Variants in HECTD4 observed in about 807,000 individuals in gnomAD.
The protein encoded by HECTD4 is HECT domain E3 ubiquitin protein ligase 4, also known as probable E3 ubiquitin-protein ligase HECTD4.
In HECTD4, 114 loss-of-function variants were observed where a neutral mutation model predicts 471.5. That is an observed-to-expected ratio of 0.24 (90% CI 0.21 to 0.28). The LOEUF (loss-of-function observed/expected upper bound fraction) is 0.28, where lower values mean the gene tolerates loss of function less well. Ranked by LOEUF, HECTD4 falls within the 10% of genes least tolerant of loss-of-function variation. HECTD4 has a pLI of 1.00. For synonymous variants in HECTD4, 2,012 were observed against 2,256.0 expected (o/e 0.89, Z 3.07); for missense variants, 3,866 against 5,651.5 (o/e 0.68, Z 10.13).
intron 3 of HECTD4, among the ~76,000 whole-genome samples, chr12:112,313,935 G>T (rs1424790199): frequency 6.6e-6 from 1 of 152,104 alleles, no homozygotes; most frequent in Non-Finnish European, 1.5e-5. Context: ...AAAATGTTAG[G>T]AGTAGTTATC....
intron 32 of HECTD4, among the ~76,000 whole-genome samples, chr12:112,241,482 C>T (rs1015401853): frequency 6.6e-6 from 1 of 152,106 alleles, no homozygotes; most frequent in African/African-American, 2.4e-5. Context: ...TTTTTTGTGA[C>T]AAGGTTTTGC....
At chr12:112,306,588 C>T (rs2035275430) in intron 6 of HECTD4, among the ~76,000 whole-genome samples, 1 of 152,156 alleles carries the variant, frequency 6.6e-6, no homozygotes, top group African/African-American at 2.4e-5. Flanking sequence ...AGAGAAGCAA[C>T]ACTTTCTGAA....
At chr12:112,254,812 C>T (rs1160918001) in intron 21 of HECTD4, among the ~76,000 whole-genome samples, 1 of 152,320 alleles carries the variant, frequency 6.6e-6, no homozygotes, top group South Asian at 2.1e-4. Flanking sequence ...TTATAACCAG[C>T]TGGCTGACTT....
At chr12:112,238,830 C>T (rs1593963838) in intron 34 of HECTD4, among the ~76,000 whole-genome samples, 1 of 152,118 alleles carries the variant, frequency 6.6e-6, no homozygotes, top group East Asian at 1.9e-4. Context: ...TTACTGTACT[C>T]CTTCAGGGTA....
intron 60 of HECTD4, among the ~76,000 whole-genome samples, chr12:112,187,131 C>T (rs1280084041): frequency 2.0e-5 from 3 of 152,150 alleles, no homozygotes; most frequent in African/African-American, 7.2e-5. Context: ...AGGCATGCAC[C>T]ACCACACCCG....
rs1351151671 is a variant in HECTD4, at chr12:112,207,114, G to GTA, written c.8131+759_8131+760insTA. On this transcript the variant is annotated intron_variant, in intron 52 of 75. Coordinates refer to ENST00000682272, the MANE Select transcript of HECTD4 (RefSeq NM_001388303.1). The stretch of plus-strand genomic sequence containing the variant: ...ACTGTTTGTTTATGTATATGTGTGT[G>GTA]TGTGTATGTATGTATGTATGTATGT... 2.6e-3 allele frequency among the ~76,000 whole-genome samples: 371 copies of GTA among 144,942 alleles called. 2 individuals are homozygous for GTA. Among genetic ancestry groups the GTA allele is most frequent in the Middle Eastern group, 0.01 (3 of 288 alleles).
intron 1 of HECTD4, among the ~76,000 whole-genome samples, chr12:112,380,974 C>T (rs184641329): frequency 2.6e-5 from 4 of 152,284 alleles, no homozygotes; most frequent in African/African-American, 9.6e-5. Context: ...CGCCCTACCC[C>T]AGAAAGCTCT....
intron 1 of HECTD4, among the ~76,000 whole-genome samples, chr12:112,324,846 C>T (rs1440052964): frequency 1.3e-5 from 2 of 152,050 alleles, no homozygotes; most frequent in Non-Finnish European, 2.9e-5. Context: ...TTTAAAAAAG[C>T]TTTTCAGTAT....
At chr12:112,270,547 G>C in intron 11 of HECTD4, 88 bp from the exon 12 acceptor site, 2 of 1,052,166 alleles carry the variant, frequency 1.9e-6, no homozygotes, top group Non-Finnish European at 2.9e-6. Context: ...AAAGGTGTGT[G>C]CGCACTAGAA....
At chr12:112,246,780 T>C in intron 29 of HECTD4, 121 bp downstream of exon 29, 1 of 821,036 alleles carries the variant, frequency 1.2e-6, no homozygotes, top group East Asian at 3.1e-5. Flanking sequence ...TTCCTTTTGT[T>C]TTCCTTTCTC....
intron 7 of HECTD4, among the ~76,000 whole-genome samples, chr12:112,303,260 C>G (rs2035202770): frequency 6.6e-6 from 1 of 152,200 alleles, no homozygotes; most frequent in Non-Finnish European, 1.5e-5. Context: ...GGTCTACCAC[C>G]TTGTCTCACA....
intron 53 of HECTD4, 60 bp from the exon 54 acceptor site, chr12:112,203,832 C>A (rs751775108): frequency 9.2e-7 from 1 of 1,088,746 alleles, no homozygotes; most frequent in Non-Finnish European, 1.3e-6. Flanking sequence ...TGGGTTCTTA[C>A]ATTTAGCATC....
intron 44 of HECTD4, among the ~76,000 whole-genome samples, chr12:112,222,009 T>C (rs1360592511): frequency 6.6e-6 from 1 of 151,196 alleles, no homozygotes; most frequent in Non-Finnish European, 1.5e-5. Context: ...CTGCAACCTC[T>C]GCCTCCTGGG....
rs2030771996 is a variant in HECTD4, at chr12:112,163,254, A to G, written c.12908T>C (p.Met4303Thr). ...CGTCTCCATCAGCCCCACTTGGTAC[A>G]TGGTGTGGGCCTGGGGAGGAGAGGT... Reference protein sequence around the residue: ...INLEFLKAHTMYQVGLMETDQ... With the variant: ...INLEFLKAHTTYQVGLMETDQ... Residue 4303 changes from methionine to threonine, a missense_variant, in exon 75 of 76, where the codon ATG becomes ACG. Around this residue, in one of 16 missense-constraint regions of HECTD4, gnomAD observed 715 missense variants for 1,087.6 expected, o/e 0.66. Transcript: ENST00000682272. The surrounding 1 kb of genome is among the most constrained non-coding windows in gnomAD (Gnocchi z 8.2). 6.2e-7 allele frequency: 1 copy of G among 1,613,272 alleles called. No homozygotes were observed.
chr12:112,274,705 CAAACAAAACAAAACA>C, intron 10 of HECTD4, 127 bp downstream of exon 10: 1 of 620,808 alleles, frequency 1.6e-6, no homozygotes, highest in Non-Finnish European at 2.8e-6. Flanking sequence ...GACCCTGTCT[CAAACAAAACAAAACA>C]AAACAAAACA....
At position 112,217,118 on chromosome 12, in the gene HECTD4, T is replaced by C; in HGVS notation, c.7152A>G (p.Ser2384=). 1.9e-6 allele frequency: 3 copies of C among 1,591,992 alleles called. No individual in the cohort carries two copies. The highest frequency in any genetic ancestry group is 2.6e-6 in the Non-Finnish European group (3 of 1,169,334). The change falls in exon 46 of 76, where the codon TCA becomes TCG. Residue 2384 remains serine (S), a synonymous_variant. Coordinates refer to ENST00000682272, the MANE Select transcript of HECTD4 (RefSeq NM_001388303.1). ...CGCTGGGGTCAGCCAGGAAGGTGAC[T>C]GAGGTAAGGTGAGATGAGAACATGC... ...RACMFSSHLT[S]VTFLADPSAG...
At chr12:112,308,458 CAAAA>C (rs540084785) in intron 6 of HECTD4, among the ~76,000 whole-genome samples, 1 of 114,298 alleles carries the variant, frequency 8.7e-6, no homozygotes, top group Non-Finnish European at 1.7e-5. Flanking sequence ...AAAAACAAAA[CAAAA>C]AAAAAAAACC....
At chr12:112,220,470 T>C (rs544741644) in intron 44 of HECTD4, among the ~76,000 whole-genome samples, 2 of 152,038 alleles carry the variant, frequency 1.3e-5, no homozygotes, top group East Asian at 1.9e-4. Flanking sequence ...CATTCGAGCA[T>C]CCAGAAAGGC....
At chr12:112,198,959 T>C (rs926505924) in intron 55 of HECTD4, among the ~76,000 whole-genome samples, 2 of 152,172 alleles carry the variant, frequency 1.3e-5, no homozygotes, top group African/African-American at 4.8e-5. Flanking sequence ...GCTTCAAGGC[T>C]TCTGGAGCAT....
Sources: allele counts gnomAD v4.1 joint callset (sites outside exome capture counted in the v4.1 genomes callset), GRCh38; gene constraint gnomAD v4.1.1; regional missense constraint gnomAD v4.1.1; non-coding constraint Gnocchi (gnomAD v3.1); transcripts MANE v1.5; gene names NCBI Gene and HGNC (gene_info 2026-07-23, HGNC 2026-07-21).